Variants in MRPS15 observed in about 807,000 individuals in gnomAD.
MRPS15 encodes the protein mitochondrial ribosomal protein S15, also known as small ribosomal subunit protein uS15m.
Under a neutral mutation model 30.7 loss-of-function variants are expected in MRPS15, and 25 were observed. The observed-to-expected ratio is 0.81, with a 90% CI of 0.59 to 1.14. The LOEUF (loss-of-function observed/expected upper bound fraction) is 1.14. MRPS15 is among the 50% of genes most tolerant of loss of function. The pLI is 0.00. For synonymous variants in MRPS15, 124 were observed against 120.1 expected (o/e 1.03, Z -0.21); for missense variants, 313 against 321.7 (o/e 0.97, Z 0.21).
rs181962322 is a variant in MRPS15 at position 36,459,754 on chromosome 1, G to A, written c.385+938C>T. ...GAATGAAGGCAGGAGGGTGGAAGAG[G>A]AGGAGGAGGCTATAATATAGGCCAA... is the stretch of plus-strand genomic sequence containing the variant. On this transcript the variant is annotated intron_variant, in intron 5 of 7. Coordinates refer to ENST00000373116, the MANE Select transcript of MRPS15 (RefSeq NM_031280.4). 261 of 152,754 alleles carry A rather than the reference G, an allele frequency of 1.7e-3. 5 individuals carry two copies. The highest frequency in any genetic ancestry group is 1.8e-4 in the Non-Finnish European group (12 of 68,224). 9.5% of individuals were successfully genotyped at this position (152,754 alleles called of 1,614,324 possible).
rs368135278 is a variant in MRPS15 at position 36,457,865 on chromosome 1, C to T, written c.444+58G>A. On this transcript the variant is annotated intron_variant, in intron 6 of 7. Coordinates refer to ENST00000373116, the MANE Select transcript of MRPS15 (RefSeq NM_031280.4). ...TCTCTGGACCCAGAGCCCTTCCCCT[C>T]CGGACCCCTTTCCCCCAGGCTGCTG... 5.0e-4 allele frequency: 770 copies of T among 1,551,444 alleles called. 2 individuals are homozygous for T. The highest frequency in any genetic ancestry group is 6.5e-4 in the South Asian group (58 of 89,722).
Position 36,458,018 on chromosome 1 carries a change from C to G in MRPS15, c.386-37G>C, listed in dbSNP as rs772615398. 1 of 1,601,416 alleles carries G rather than the reference C, an allele frequency of 6.2e-7. No individual in the cohort carries two copies. Among genetic ancestry groups the G allele is most frequent in the Non-Finnish European group, 8.6e-7 (1 of 1,168,392 alleles). On this transcript the variant is annotated intron_variant, in intron 5 of 7. Transcript: ENST00000373116. The surrounding 1 kb of genome is among the most constrained non-coding windows in gnomAD (Gnocchi z 4.5). ...AACCACAGAGGATGAGAGTTGGGCA[C>G]AGAGGAAGGAAGGGCCCAGGCCTGG...
intron 7 of MRPS15, 99 bp downstream of exon 7, chr1:36,456,088 A>G (rs2124076790): frequency 1.3e-6 from 2 of 1,493,742 alleles, no homozygotes; most frequent in Middle Eastern, 2.5e-4. Flanking sequence ...GCCTGGGGCC[A>G]GTTCCATGCC....
intron 2 of MRPS15, 114 bp downstream of exon 2, chr1:36,463,692 G>C (rs969637686): frequency 1.6e-6 from 2 of 1,263,628 alleles, no homozygotes; most frequent in African/African-American, 3.0e-5. Context: ...TTTTGCTCAG[G>C]ACCTCTGGCT....
At chr1:36,463,507 G>A (rs934527171) in intron 2 of MRPS15, among the ~76,000 whole-genome samples, 1 of 152,218 alleles carries the variant, frequency 6.6e-6, no homozygotes, top group Non-Finnish European at 1.5e-5. Flanking sequence ...CATCTCAGAA[G>A]CGCAGACACA....
intron 4 of MRPS15, 58 bp downstream of exon 4, chr1:36,461,206 G>A: frequency 6.5e-7 from 1 of 1,536,672 alleles, no homozygotes; most frequent in Non-Finnish European, 9.0e-7. Flanking sequence ...AATCAGGGTA[G>A]AAGGGAGTCC....
At position 36,460,729 on chromosome 1, in the gene MRPS15, A is replaced by T; in HGVS notation, c.348T>A (p.Val116=). The stretch of plus-strand genomic sequence containing the variant: ...GGGATCTGGTGTCCTCTGGGTTTGC[A>T]ACAATCTTCTTCATAAACTGTTCTT... ...IKQEQFMKKI[V]ANPEDTRSLE... is the part of the protein sequence containing the mutation. The change falls in exon 5 of 8, where the codon GTT becomes GTA. Residue 116 remains valine (V), a synonymous_variant. Coordinates refer to ENST00000373116, the MANE Select transcript of MRPS15 (RefSeq NM_031280.4). The T allele has an allele frequency of 6.2e-7, 1 of 1,614,072 alleles. No individual in the cohort carries two copies. Among genetic ancestry groups the T allele is most frequent in the Non-Finnish European group, 8.5e-7 (1 of 1,179,976 alleles).
At chr1:36,461,360 G>T in intron 3 of MRPS15, 48 bp from the exon 4 acceptor site, 1 of 1,536,440 alleles carries the variant, frequency 6.5e-7, no homozygotes. Flanking sequence ...GAGAAGAGAG[G>T]AAAGCAATGC....
intron 2 of MRPS15, among the ~76,000 whole-genome samples, 197 bp downstream of exon 2, chr1:36,463,609 T>A (rs1309923618): frequency 6.6e-6 from 1 of 152,198 alleles, no homozygotes; most frequent in Admixed American, 6.5e-5. Flanking sequence ...AAGCTCCTGC[T>A]CCCGCCCTTC....
intron 2 of MRPS15, among the ~76,000 whole-genome samples, chr1:36,463,592 A>G (rs887267404): frequency 6.6e-6 from 1 of 152,090 alleles, no homozygotes; most frequent in Non-Finnish European, 1.5e-5. Context: ...TCACTCATTC[A>G]CCTGGAAAGC....
Position 36,464,203 on chromosome 1 carries a change from G to A in MRPS15, c.73C>T (p.Leu25=). 1 of 1,614,054 alleles carries A rather than the reference G, an allele frequency of 6.2e-7. No individual in the cohort carries two copies. The highest frequency in any genetic ancestry group is 8.5e-7 in the Non-Finnish European group (1 of 1,179,990). The stretch of plus-strand genomic sequence containing the variant: ...AACTTGGCGCTCCCACCGCCCGGCA[G>A]CCCGGGTACTAGGACCTGGGTAACT... ...RAVTQVLVPG[L]PGGGSAKFPF... is the part of the protein sequence containing the mutation. The change falls in exon 1 of 8, where the codon CTG becomes TTG. Residue 25 remains leucine, a synonymous_variant. Transcript: ENST00000373116.
chr1:36,457,391 T>C (rs536126848), intron 6 of MRPS15, among the ~76,000 whole-genome samples: 3 of 152,268 alleles, frequency 2.0e-5, no homozygotes, highest in African/African-American at 4.8e-5. Flanking sequence ...AATCATTCCA[T>C]GACTAGATTA....
chr1:36,458,347 G>C lies in MRPS15; in HGVS notation c.386-366C>G, dbSNP rs1650035558. The C allele has an allele frequency of 5.6e-6, 1 of 179,984 alleles. No homozygotes were observed. Among genetic ancestry groups the C allele is most frequent in the African/African-American group, 2.4e-5 (1 of 42,172 alleles). The allele number at this position is 179,984 out of a possible 1,614,324, so 11.1% of individuals were successfully genotyped here. A position where few individuals can be genotyped will look rare whatever the true frequency, so the allele number is the denominator to read the frequency against. ...AGGTTCAGGTGATTCTCTTGCCTCA[G>C]ACTCCAGAGCAGCTGGGATTACAGG... On this transcript the variant is annotated intron_variant, in intron 5 of 7. Transcript: ENST00000373116. This position sits in a 1 kb window ranked among gnomAD's most constrained non-coding sequence, Gnocchi z 4.5.
chr1:36,456,702 T>C (rs1429699789), intron 6 of MRPS15: 1 of 194,602 alleles, frequency 5.1e-6, no homozygotes, highest in Non-Finnish European at 1.1e-5. Context: ...CTTAGCAAAC[T>C]GTCAGCTGGG....
Position 36,455,875 on chromosome 1 carries a change from A to T in MRPS15, c.687T>A (p.Ala229=), listed in dbSNP as rs1472815156. 1 of 1,614,174 alleles carries T rather than the reference A, an allele frequency of 6.2e-7. No homozygotes were observed. Among genetic ancestry groups the T allele is most frequent in the South Asian group, 1.1e-5 (1 of 91,086 alleles). ...KLKKRRRALK[A]AAAAQKQAKR... is the part of the protein sequence containing the mutation. ...TTGCTTGTTTTTGGGCTGCTGCTGC[A>T]GCCTTTAAGGCTCTTCTTCGCTTCT... The change falls in exon 8 of 8, where the codon GCT becomes GCA. Residue 229 remains alanine, a synonymous_variant. Coordinates refer to ENST00000373116, the MANE Select transcript of MRPS15 (RefSeq NM_031280.4).
intron 5 of MRPS15, among the ~76,000 whole-genome samples, chr1:36,460,028 C>A (rs931163874): frequency 6.6e-6 from 1 of 152,100 alleles, no homozygotes; most frequent in Non-Finnish European, 1.5e-5. Flanking sequence ...TTTTTATTTT[C>A]GAGACGGAGT....
chr1:36,462,304 TCA>T (rs1445506145), intron 2 of MRPS15, 141 bp from the exon 3 acceptor site: 3 of 606,170 alleles, frequency 4.9e-6, no homozygotes, highest in South Asian at 2.2e-5. Flanking sequence ...ATCTCTCGGC[TCA>T]GTTTCTCCTT....
At chr1:36,462,785 TAGGG>T (rs1650122630) in intron 2 of MRPS15, among the ~76,000 whole-genome samples, 1 of 152,176 alleles carries the variant, frequency 6.6e-6, no homozygotes, top group Admixed American at 6.5e-5. Context: ...TTGATTCTGA[TAGGG>T]AGGCAGAAAA....
At chr1:36,456,473 T>G in intron 6 of MRPS15, 95 bp from the exon 7 acceptor site, 2 of 1,184,600 alleles carry the variant, frequency 1.7e-6, no homozygotes, top group Non-Finnish European at 2.3e-6. Flanking sequence ...CTGAAATTTC[T>G]CAGTAATCTT....
Sources: gnomAD v4.1 joint callset for allele counts (sites outside exome capture counted in the v4.1 genomes callset) on GRCh38, gnomAD v4.1.1 for gene constraint, Gnocchi (gnomAD v3.1) non-coding constraint, MANE v1.5 for transcripts, NCBI Gene and HGNC (gene_info 2026-07-23, HGNC 2026-07-21) for gene names.